The following NEB variants were observed in gnomAD, a reference collection of about 807,000 sequenced individuals.
NEB encodes the protein nemaline myopathy type 2.
A neutral mutation model predicts 952.2 loss-of-function variants in NEB; 512 were observed. That is an observed-to-expected ratio of 0.54 (90% CI 0.50 to 0.58). NEB has a LOEUF of 0.58. NEB is among the 20% of genes least tolerant of loss of function. The pLI, the probability that NEB is intolerant of heterozygous loss-of-function variation, is 0.00. For missense variants in NEB, 8,428 were observed against 9,231.1 expected (o/e 0.91, Z 3.56); for synonymous variants, 2,900 against 3,149.8 (o/e 0.92, Z 2.66).
At chr2:151,519,590 G>T (rs1349987798) in intron 154 of NEB, 68 bp downstream of exon 154, 2 of 1,143,128 alleles carry the variant, frequency 1.7e-6, no homozygotes, top group Admixed American at 1.8e-5. Flanking sequence ...CTACTGAATT[G>T]CACACTTAAA....
intron 55 of NEB, among the ~76,000 whole-genome samples, chr2:151,645,138 T>C (rs1266940967): frequency 5.9e-5 from 9 of 152,246 alleles, no homozygotes; most frequent in Non-Finnish European, 1.2e-4. Flanking sequence ...ACAGTGCATG[T>C]CTATACTTGC....
chr2:151,702,080 G>A (rs1331747122), intron 13 of NEB, among the ~76,000 whole-genome samples: 47 of 146,808 alleles, frequency 3.2e-4, no homozygotes, highest in Non-Finnish European at 6.6e-4. Flanking sequence ...TGTTCTCGTT[G>A]GTTTCAAAGA....
chr2:151,729,427 A>G (rs952018600), intron 4 of NEB, among the ~76,000 whole-genome samples, 188 bp downstream of exon 4: 2 of 152,240 alleles, frequency 1.3e-5, no homozygotes, highest in African/African-American at 4.8e-5. Flanking sequence ...ATAGGAAAAA[A>G]AGGTGAAATA....
At chr2:151,614,667 CTTT>C in intron 76 of NEB, 80 bp from the exon 77 acceptor site, 1 of 1,439,100 alleles carries the variant, frequency 6.9e-7, no homozygotes, top group Non-Finnish European at 9.5e-7. Context: ...CACATTGTTT[CTTT>C]TTCTTTTCCC....
intron 55 of NEB, among the ~76,000 whole-genome samples, chr2:151,645,353 C>T (rs1190486907): frequency 1.3e-5 from 2 of 152,174 alleles, no homozygotes; most frequent in Non-Finnish European, 2.9e-5. Context: ...AAAATGGGAC[C>T]ATCCAAAATA....
chr2:151,566,925 C>T (rs959489050), intron 114 of NEB, among the ~76,000 whole-genome samples: 2 of 152,228 alleles, frequency 1.3e-5, no homozygotes. Context: ...CAAAATGGTA[C>T]AAAAGCAGCA....
intron 181 of NEB, among the ~76,000 whole-genome samples, chr2:151,488,478 CAA>C (rs567755362): frequency 1.5e-3 from 146 of 95,702 alleles, no homozygotes; most frequent in African/African-American, 3.9e-3. Context: ...GAGCCTCTAC[CAA>C]AAAAAAAAAA....
Position 151,505,526 on chromosome 2 carries a change from G to T in NEB, c.23694C>A (p.Asp7898Glu). The T allele has an allele frequency of 6.2e-7, 1 of 1,613,794 alleles. No individual in the cohort carries two copies. The highest frequency in any genetic ancestry group is 8.5e-7 in the Non-Finnish European group (1 of 1,179,746). ...EAIGQGTPIPDLPEVKRVKET... is the reference protein window; with the variant it reads ...EAIGQGTPIPELPEVKRVKET... Reference sequence around the variant, plus strand: ...CCTTCACACGTTTCACTTCAGGCAGGTCAGGGATTGGAGTTCCTTGTCCTA... The same window carrying T: ...CCTTCACACGTTTCACTTCAGGCAGTTCAGGGATTGGAGTTCCTTGTCCTA... Residue 7898 changes from aspartate (D) to glutamate (E), a missense_variant, in exon 165 of 182, where the codon GAC (aspartate) becomes GAA (glutamate). Asp to Glu is a conservative substitution (Grantham distance 45, BLOSUM62 2). Transcript: ENST00000397345.
Position 151,707,014 on chromosome 2 carries a change from A to T in NEB, c.1036-17T>A. 1 of 1,489,444 alleles carries T rather than the reference A, an allele frequency of 6.7e-7. No homozygotes were observed. Among genetic ancestry groups the T allele is most frequent in the Non-Finnish European group, 9.2e-7 (1 of 1,090,056 alleles). 92.3% of individuals were successfully genotyped at this position (1,489,444 alleles called of 1,614,324 possible). A position where few individuals can be genotyped will look rare whatever the true frequency, so the allele number is the denominator to read the frequency against. On this transcript the variant is annotated splice_polypyrimidine_tract_variant and intron_variant, in intron 12 of 181. Transcript: ENST00000397345. ...GTATTTTACCTGTAGGAGTGAAATA[A>T]AATGATAAAGTAACTCTATGGGTTA...
intron 181 of NEB, 71 bp from the exon 182 acceptor site, chr2:151,486,004 A>G (rs776645459): frequency 1.0e-5 from 15 of 1,476,010 alleles, no homozygotes; most frequent in African/African-American, 1.4e-5. Flanking sequence ...ATCTATTTGT[A>G]AGATCTCTCA....
At chr2:151,672,982 T>C (rs534494008) in intron 36 of NEB, among the ~76,000 whole-genome samples, 11 of 152,340 alleles carry the variant, frequency 7.2e-5, no homozygotes, top group African/African-American at 2.6e-4. Flanking sequence ...ACATTCTAAA[T>C]ATAAGGCCAA....
rs900269674 is a variant in NEB, at chr2:151,684,720, A to G, written c.2835+58T>C. ...GTGCAAAAACCTCACTCAACTTCAA[A>G]GTCCATTTCAGTTTCCATCTTTTTA... On this transcript the variant is annotated intron_variant, in intron 28 of 181. Coordinates refer to ENST00000397345, the MANE Select transcript of NEB (RefSeq NM_001164508.2). 9.8e-6 allele frequency: 14 copies of G among 1,423,484 alleles called. No homozygotes were observed. The South Asian group carries it at 2.1e-4, about 21-fold the overall frequency. The allele number at this position is 1,423,484 out of a possible 1,614,324, so 88.2% of individuals were successfully genotyped here. A position where few individuals can be genotyped will look rare whatever the true frequency, so the allele number is the denominator to read the frequency against.
Position 151,687,419 on chromosome 2 carries a change from A to T in NEB, c.2637T>A (p.Asp879Glu). Residue 879 changes from aspartate (D) to glutamate (E), a missense_variant and splice_region_variant, in exon 27 of 182, where the codon GAT becomes GAA. By Grantham distance (45) the Asp-to-Glu change is conservative. Around this residue, in one of 11 missense-constraint regions of NEB, gnomAD observed 2,851 missense variants for 2,791.5 expected, o/e 1.02. Transcript: ENST00000397345. ...HSLKTAKNQS[D>E]REYRKDYEKS... Reference sequence around the variant, plus strand: ...AAGACAGATTCACAAAGACACTCACATCACTCTGGTTTTTGGCTGTCTTCA... The same window carrying T: ...AAGACAGATTCACAAAGACACTCACTTCACTCTGGTTTTTGGCTGTCTTCA... The T allele has an allele frequency of 6.2e-7, 1 of 1,610,126 alleles. No individual in the cohort carries two copies. The highest frequency in any genetic ancestry group is 8.5e-7 in the Non-Finnish European group (1 of 1,176,374).
intron 10 of NEB, among the ~76,000 whole-genome samples, chr2:151,711,986 T>G (rs1209825105): frequency 6.6e-6 from 1 of 152,202 alleles, no homozygotes; most frequent in Non-Finnish European, 1.5e-5. Flanking sequence ...TCAATAAAAT[T>G]GATTTCTGGA....
At chr2:151,639,138 G>T in intron 63 of NEB, 142 bp downstream of exon 63, 1 of 595,866 alleles carries the variant, frequency 1.7e-6, no homozygotes, top group Non-Finnish European at 2.8e-6. Flanking sequence ...ATTTATGATG[G>T]TGATTGAGAA....
chr2:151,576,522 T>A (rs1207624058), intron 105 of NEB, among the ~76,000 whole-genome samples, 168 bp from the exon 106 acceptor site: 56 of 38,834 alleles, frequency 1.4e-3, no homozygotes, highest in African/African-American at 3.0e-3. Context: ...ATATATTTTT[T>A]TTTTTTTTTT....
At chr2:151,489,681 T>C (rs902147869) in intron 181 of NEB, among the ~76,000 whole-genome samples, 56 of 152,100 alleles carry the variant, frequency 3.7e-4, no homozygotes, top group Non-Finnish European at 1.5e-4. Flanking sequence ...ATAGGCATGA[T>C]TCACTATGCC....
rs780569045 is a variant in NEB, at chr2:151,524,510, C to G, written c.22374+5G>C. 6.2e-7 allele frequency: 1 copy of G among 1,613,880 alleles called. No homozygotes were observed. The highest frequency in any genetic ancestry group is 8.5e-7 in the Non-Finnish European group (1 of 1,179,788). ...GGACTGGGGACATTTTCATGACACC[C>G]TTACCTCACTGGCCTGTTTGGCTGC... On this transcript the variant is annotated splice_donor_5th_base_variant and intron_variant, in intron 152 of 181. Transcript: ENST00000397345.
intron 141 of NEB, among the ~76,000 whole-genome samples, chr2:151,536,839 C>A (rs2093291117): frequency 6.6e-6 from 1 of 152,134 alleles, no homozygotes; most frequent in Admixed American, 6.5e-5. Context: ...GCTGTCATAT[C>A]AGCTTTAATA....
Sources: gnomAD v4.1 joint callset for allele counts (sites outside exome capture counted in the v4.1 genomes callset) on GRCh38, gnomAD v4.1.1 for gene constraint, gnomAD v4.1.1 regional missense constraint, MANE v1.5 for transcripts, NCBI Gene and HGNC (gene_info 2026-07-23, HGNC 2026-07-21) for gene names.